The following XKR9 variants were observed in gnomAD, a reference collection of about 807,000 sequenced individuals.
XKR9 encodes XK-related protein 9.
Under a neutral mutation model 32.0 loss-of-function variants are expected in XKR9, and 32 were observed. That is an observed-to-expected ratio of 1.00 (90% confidence interval 0.76 to 1.34). XKR9 has a LOEUF of 1.34. XKR9 is among the 40% of genes most tolerant of loss of function. The pLI is 0.00. For missense variants in XKR9, 546 were observed against 429.7 expected (o/e 1.27, Z -2.39); for synonymous variants, 168 against 143.4 (o/e 1.17, Z -1.22).
the XKR9 span, among the ~76,000 whole-genome samples, chr8:70,807,267 C>T: frequency 7.2e-5 from 11 of 151,996 alleles, no homozygotes; most frequent in African/African-American, 2.4e-4. Context: ...GAAAAAAGTG[C>T]TAAATATGGA....
intron 2 of XKR9, among the ~76,000 whole-genome samples, chr8:70,777,598 C>T (rs1480605109): frequency 4.6e-5 from 7 of 152,192 alleles, no homozygotes; most frequent in Non-Finnish European, 8.8e-5. Context: ...TCCTATTTCT[C>T]CACCTCCTCT....
the XKR9 span, among the ~76,000 whole-genome samples, chr8:70,928,834 C>T: frequency 1.3e-5 from 2 of 152,136 alleles, no homozygotes; most frequent in Non-Finnish European, 1.5e-5. Context: ...TGTGGAGTCA[C>T]ATCATATGCA....
At chr8:70,827,482 TAGA>T in the XKR9 span, among the ~76,000 whole-genome samples, 2 of 152,124 alleles carry the variant, frequency 1.3e-5, no homozygotes, top group Non-Finnish European at 2.9e-5. Flanking sequence ...ATATGGTAAT[TAGA>T]AGAAGAAGAG....
chr8:70,925,657 C>G, the XKR9 span, among the ~76,000 whole-genome samples: 1 of 152,126 alleles, frequency 6.6e-6, no homozygotes, highest in African/African-American at 2.4e-5. Context: ...ATGTGATGTG[C>G]ATCTAAAGCA....
At chr8:70,948,574 T>C in the XKR9 span, among the ~76,000 whole-genome samples, 6 of 152,266 alleles carry the variant, frequency 3.9e-5, no homozygotes, top group South Asian at 1.2e-3. Flanking sequence ...ATATGGCATG[T>C]CATTCTCTCT....
the XKR9 span, among the ~76,000 whole-genome samples, chr8:70,853,642 C>T: frequency 3.9e-5 from 6 of 152,094 alleles, no homozygotes; most frequent in South Asian, 6.2e-4. Flanking sequence ...CATCATTTAA[C>T]ATTAGGTATA....
At chr8:70,942,577 A>G in the XKR9 span, among the ~76,000 whole-genome samples, 1 of 152,122 alleles carries the variant, frequency 6.6e-6, no homozygotes, top group African/African-American at 2.4e-5. Flanking sequence ...TCCTCACCAC[A>G]GTTTCACTTA....
chr8:70,754,595 C>G (rs935194997), intron 2 of XKR9, among the ~76,000 whole-genome samples: 1 of 151,196 alleles, frequency 6.6e-6, no homozygotes, highest in African/African-American at 2.4e-5. Context: ...ACAGAGCCCT[C>G]AGAAATAACG....
chr8:70,831,263 C>G, the XKR9 span, among the ~76,000 whole-genome samples: 3,702 of 147,192 alleles, frequency 0.025, 161 homozygotes, highest in African/African-American at 0.086. Flanking sequence ...TGCACTCTAG[C>G]CTGGGTGACA....
chr8:70,714,629 A>T (rs904756295), intron 4 of XKR9, among the ~76,000 whole-genome samples: 1 of 152,110 alleles, frequency 6.6e-6, no homozygotes, highest in Non-Finnish European at 1.5e-5. Context: ...CAAATTTTGG[A>T]AAACCTCTAT....
At chr8:70,906,032 G>A in the XKR9 span, among the ~76,000 whole-genome samples, 4 of 152,252 alleles carry the variant, frequency 2.6e-5, no homozygotes, top group East Asian at 1.9e-4. Flanking sequence ...GGTGTCAGTC[G>A]GCCACTACTG....
Position 70,696,207 on chromosome 8 carries a change from C to T in XKR9, c.273-10726C>T, listed in dbSNP as rs1375672278. Among the ~76,000 whole-genome samples, 6 of 152,080 alleles carry T rather than the reference C, an allele frequency of 3.9e-5. No homozygotes were observed. In the South Asian group the frequency reaches 1.2e-3, roughly 31 times the overall value. ...TTTAATTAGATCTCATTTGTCAATT[C>T]TGGCTTTCGTTGCCATTGCTTTTGG... is the stretch of plus-strand genomic sequence containing the variant. On this transcript the variant is annotated intron_variant, in intron 3 of 4. Coordinates refer to ENST00000408926, the MANE Select transcript of XKR9 (RefSeq NM_001011720.2).
intron 2 of XKR9, among the ~76,000 whole-genome samples, chr8:70,756,168 A>C (rs188205614): frequency 3.3e-5 from 5 of 152,358 alleles, no homozygotes; most frequent in Admixed American, 3.3e-4. Context: ...ATTGAAAATC[A>C]GTTGACCTTA....
In XKR9 at chr8:70,703,819, T is replaced by A. The variant is rs140235748; in HGVS notation, c.273-3114T>A. ...AAAAGAAGATATAGGGATAAAAATA[T>A]GGGAATACACTATGTTAAGAAAGCC... On this transcript the variant is annotated intron_variant, in intron 3 of 4. Coordinates refer to ENST00000408926, the MANE Select transcript of XKR9 (RefSeq NM_001011720.2). Among the ~76,000 whole-genome samples, 16 of 152,276 alleles carry A rather than the reference T, an allele frequency of 1.1e-4. 1 individual carries two copies. In the East Asian group the frequency reaches 3.1e-3, roughly 29 times the overall value.
chr8:70,865,177 G>A, the XKR9 span, among the ~76,000 whole-genome samples: 6 of 152,092 alleles, frequency 3.9e-5, no homozygotes, highest in Non-Finnish European at 8.8e-5. Context: ...TTACTTAAAT[G>A]AGTGGAGAAT....
chr8:71,027,498 G>GTATA, the XKR9 span, among the ~76,000 whole-genome samples: 149 of 147,004 alleles, frequency 1.0e-3, no homozygotes, highest in South Asian at 3.0e-3. Context: ...ATATGTGTGT[G>GTATA]TATATATATA....
At chr8:70,947,981 T>C in the XKR9 span, among the ~76,000 whole-genome samples, 7 of 152,226 alleles carry the variant, frequency 4.6e-5, no homozygotes, top group African/African-American at 1.7e-4. Context: ...AATTGCTGTC[T>C]ACTTGGGAAG....
chr8:70,922,691 A>G, the XKR9 span, among the ~76,000 whole-genome samples: 1 of 152,222 alleles, frequency 6.6e-6, no homozygotes, highest in African/African-American at 2.4e-5. Flanking sequence ...CAGGATGCTC[A>G]CAGGGACAGA....
At chr8:70,842,839 AG>A in the XKR9 span, among the ~76,000 whole-genome samples, 1 of 152,200 alleles carries the variant, frequency 6.6e-6, no homozygotes, top group Non-Finnish European at 1.5e-5. Flanking sequence ...TGAGCTTTTG[AG>A]GCTCCTTTTT....
Sources: allele counts gnomAD v4.1 joint callset (sites outside exome capture counted in the v4.1 genomes callset), GRCh38; gene constraint gnomAD v4.1.1; transcripts MANE v1.5; gene names NCBI Gene and HGNC (gene_info 2026-07-23, HGNC 2026-07-21).